RSBN1L: variants seen among roughly 807,000 people sequenced by gnomAD.
RSBN1L encodes round spermatid basic protein 1 like, also known as lysine-specific demethylase RSBN1L.
In RSBN1L, 30 loss-of-function variants were observed where a neutral mutation model predicts 67.7. The ratio of observed to expected loss-of-function variants is 0.44; its 90% CI spans 0.33 to 0.60. RSBN1L has a LOEUF of 0.60. RSBN1L is among the 20% of genes least tolerant of loss of function. The pLI, the probability that RSBN1L is intolerant of heterozygous loss-of-function variation, is 0.02. For missense variants in RSBN1L, 992 were observed against 1,031.7 expected (o/e 0.96, Z 0.53); for synonymous variants, 433 against 387.0 (o/e 1.12, Z -1.39).
intron 3 of RSBN1L, among the ~76,000 whole-genome samples, chr7:77,762,688 T>A (rs925631631): frequency 6.6e-6 from 1 of 152,158 alleles, no homozygotes; most frequent in Non-Finnish European, 1.5e-5. Flanking sequence ...AATTTTTTCC[T>A]GTTACTCAAT....
intron 1 of RSBN1L, among the ~76,000 whole-genome samples, chr7:77,717,191 C>T (rs1456196286): frequency 1.3e-5 from 2 of 151,120 alleles, no homozygotes; most frequent in East Asian, 3.9e-4. Context: ...AATCCTCTCT[C>T]CTTGACCTCC....
At chr7:77,705,557 G>T (rs969456481) in intron 1 of RSBN1L, among the ~76,000 whole-genome samples, 8 of 128,692 alleles carry the variant, frequency 6.2e-5, no homozygotes, top group Admixed American at 5.6e-4. Flanking sequence ...TGTTGCCCAG[G>T]CTGGAGTGCA....
intron 2 of RSBN1L, among the ~76,000 whole-genome samples, chr7:77,737,014 T>G (rs1326011020): frequency 6.6e-6 from 1 of 152,160 alleles, no homozygotes; most frequent in Non-Finnish European, 1.5e-5. Flanking sequence ...AAGAATATCC[T>G]TGTTTTATTC....
chr7:77,714,810 AAAG>A (rs1478235687), intron 1 of RSBN1L, among the ~76,000 whole-genome samples: 1 of 151,940 alleles, frequency 6.6e-6, no homozygotes, highest in African/African-American at 2.4e-5. Context: ...AAAATACAAA[AAAG>A]TTAGCTGGGC....
At chr7:77,699,852 A>G (rs1790791050) in intron 1 of RSBN1L, among the ~76,000 whole-genome samples, 1 of 150,842 alleles carries the variant, frequency 6.6e-6, no homozygotes, top group African/African-American at 2.4e-5. Context: ...GTTGGAGTGC[A>G]GTGGCGCGAT....
chr7:77,734,312 A>G (rs1358281829), intron 1 of RSBN1L, among the ~76,000 whole-genome samples: 1 of 152,190 alleles, frequency 6.6e-6, no homozygotes, highest in African/African-American at 2.4e-5. Context: ...AGTTACTAAA[A>G]TAATACGTTT....
chr7:77,721,983 GA>G (rs993565871), intron 1 of RSBN1L, among the ~76,000 whole-genome samples: 2 of 151,958 alleles, frequency 1.3e-5, no homozygotes, highest in Non-Finnish European at 2.9e-5. Flanking sequence ...TCTGGAAAGG[GA>G]AAAAAAGATG....
intron 1 of RSBN1L, among the ~76,000 whole-genome samples, chr7:77,709,565 C>G (rs541678160): frequency 1.3e-5 from 2 of 152,190 alleles, no homozygotes; most frequent in Non-Finnish European, 2.9e-5. Context: ...GCTGGGATTA[C>G]AAGCGTGAGC....
intron 3 of RSBN1L, among the ~76,000 whole-genome samples, chr7:77,764,294 C>T (rs372581665): frequency 1.2e-4 from 19 of 152,268 alleles, no homozygotes; most frequent in East Asian, 1.2e-3. Context: ...CGAGTTGTTT[C>T]GCTTGAAGAC....
chr7:77,769,394 A>G (rs1038544102), intron 5 of RSBN1L, among the ~76,000 whole-genome samples: 3 of 152,252 alleles, frequency 2.0e-5, no homozygotes, highest in African/African-American at 7.2e-5. Context: ...TATATGAGAT[A>G]GGTGGGAAGA....
At chr7:77,719,237 G>A (rs1791085380) in intron 1 of RSBN1L, among the ~76,000 whole-genome samples, 1 of 152,178 alleles carries the variant, frequency 6.6e-6, no homozygotes, top group Non-Finnish European at 1.5e-5. Context: ...CTGTAGGTGT[G>A]TATCTAATGA....
chr7:77,775,827 G>A (rs890512722), intron 6 of RSBN1L, among the ~76,000 whole-genome samples: 2 of 152,102 alleles, frequency 1.3e-5, no homozygotes, highest in Non-Finnish European at 2.9e-5. Flanking sequence ...AGGCCAAGGC[G>A]GGCGGATCAC....
chr7:77,769,099 G>T (rs1791812292), intron 5 of RSBN1L, among the ~76,000 whole-genome samples: 3 of 152,142 alleles, frequency 2.0e-5, no homozygotes, highest in Non-Finnish European at 4.4e-5. Flanking sequence ...AGACTAAAAT[G>T]TTTTGTGGAG....
intron 1 of RSBN1L, among the ~76,000 whole-genome samples, chr7:77,731,805 T>C (rs1278147037): frequency 6.6e-6 from 1 of 152,116 alleles, no homozygotes; most frequent in Non-Finnish European, 1.5e-5. Flanking sequence ...GATTTTCTTC[T>C]GTGTTATTTT....
intron 3 of RSBN1L, among the ~76,000 whole-genome samples, chr7:77,762,150 T>G (rs1791704234): frequency 6.6e-6 from 1 of 152,172 alleles, no homozygotes; most frequent in Non-Finnish European, 1.5e-5. Context: ...TCTATATGTT[T>G]TATATGTATT....
chr7:77,739,369 G>C (rs1283872649), intron 2 of RSBN1L, among the ~76,000 whole-genome samples: 1 of 152,046 alleles, frequency 6.6e-6, no homozygotes, highest in Non-Finnish European at 1.5e-5. Flanking sequence ...ATCTAAAATA[G>C]ATGTCAAGTA....
chr7:77,773,519 CT>C (rs1375622746), intron 6 of RSBN1L: 1 of 344,418 alleles, frequency 2.9e-6, no homozygotes, highest in Non-Finnish European at 5.2e-6. Flanking sequence ...AATCGCAGCA[CT>C]TTGGGAGGCC....
chr7:77,760,665 C>T (rs1006068546), intron 3 of RSBN1L, among the ~76,000 whole-genome samples: 7 of 152,050 alleles, frequency 4.6e-5, no homozygotes, highest in African/African-American at 1.7e-4. Context: ...CTGAGTTTCA[C>T]TTTTATCACC....
intron 2 of RSBN1L, among the ~76,000 whole-genome samples, chr7:77,737,973 A>G (rs1294206507): frequency 3.3e-5 from 5 of 151,760 alleles, no homozygotes; most frequent in African/African-American, 1.2e-4. Context: ...CAGTGAGCTG[A>G]GATCACCCCA....
Sources: gnomAD v4.1 joint callset for allele counts (sites outside exome capture counted in the v4.1 genomes callset) on GRCh38, gnomAD v4.1.1 for gene constraint, MANE v1.5 for transcripts, NCBI Gene and HGNC (gene_info 2026-07-23, HGNC 2026-07-21) for gene names.